CACNA2D3: variants seen among roughly 807,000 people sequenced by gnomAD.
CACNA2D3 encodes the protein voltage-dependent calcium channel subunit alpha-2/delta-3.
CACNA2D3 carries 60 observed loss-of-function variants against 160.6 expected under a neutral mutation model. The observed-to-expected ratio is 0.37, with a 90% CI of 0.30 to 0.46. The LOEUF (loss-of-function observed/expected upper bound fraction) is 0.46, where lower values mean the gene tolerates loss of function less well. CACNA2D3 is among the 20% of genes least tolerant of loss of function. CACNA2D3 has a pLI of 1.00. For missense variants in CACNA2D3, 1,205 were observed against 1,365.0 expected, an observed-to-expected ratio of 0.88 and a Z score of 1.85; for synonymous variants, 558 against 492.9, an observed-to-expected ratio of 1.13 and a Z score of -1.75.
At chr3:54,618,360 T>C (rs867489018) in intron 9 of CACNA2D3, among the ~76,000 whole-genome samples, 1 of 78,828 alleles carries the variant, frequency 1.3e-5, no homozygotes, top group East Asian at 4.4e-4. Context: ...TACATATATA[T>C]ATATATATAT....
At chr3:54,984,439 G>A (rs17054649) in intron 29 of CACNA2D3, among the ~76,000 whole-genome samples, 169 bp from the exon 30 acceptor site, 2,636 of 152,086 alleles carry the variant, frequency 0.017, 83 homozygotes, top group African/African-American at 0.059. Context: ...TATCTTAACC[G>A]TGGCCTTAAA....
At chr3:54,148,284 T>C (rs910053071) in intron 2 of CACNA2D3, among the ~76,000 whole-genome samples, 1 of 152,172 alleles carries the variant, frequency 6.6e-6, no homozygotes, top group African/African-American at 2.4e-5. Flanking sequence ...GAGGGACAGG[T>C]AGACACAGAA....
intron 27 of CACNA2D3, among the ~76,000 whole-genome samples, chr3:54,934,179 C>T (rs944637958): frequency 1.3e-5 from 2 of 152,148 alleles, no homozygotes; most frequent in African/African-American, 4.8e-5. Flanking sequence ...ATTGTGAGTA[C>T]CAACGTTTAG....
intron 2 of CACNA2D3, among the ~76,000 whole-genome samples, chr3:54,136,902 G>A (rs904186186): frequency 2.6e-5 from 4 of 152,212 alleles, no homozygotes; most frequent in East Asian, 1.9e-4. Context: ...CGTGGACCAC[G>A]CTTTGAGAGA....
intron 35 of CACNA2D3, among the ~76,000 whole-genome samples, chr3:55,066,875 G>T (rs1704652440): frequency 6.6e-6 from 1 of 152,094 alleles, no homozygotes; most frequent in African/African-American, 2.4e-5. Flanking sequence ...AACCCACCAG[G>T]CCACAGCCCC....
At chr3:54,266,583 A>T (rs573579707) in intron 2 of CACNA2D3, among the ~76,000 whole-genome samples, 35 of 152,274 alleles carry the variant, frequency 2.3e-4, no homozygotes, top group African/African-American at 7.9e-4. Context: ...GTTCACACCA[A>T]AGTCTGTCAT....
intron 6 of CACNA2D3, among the ~76,000 whole-genome samples, chr3:54,567,517 GTTGT>G (rs1256004679): frequency 1.8e-5 from 2 of 111,302 alleles, no homozygotes; most frequent in Non-Finnish European, 4.5e-5. Flanking sequence ...TTTTTTGTTT[GTTGT>G]TTGTTGTTGT....
rs917741167 is a variant in CACNA2D3, at chr3:54,587,969, G to T, written c.963+6092G>T. 1.3e-5 allele frequency among the ~76,000 whole-genome samples: 2 copies of T among 152,268 alleles called. 1 individual carries two copies. On this transcript the variant is annotated intron_variant, in intron 9 of 37. Coordinates refer to ENST00000474759, the MANE Select transcript of CACNA2D3 (RefSeq NM_018398.3). The stretch of plus-strand genomic sequence containing the variant: ...ATAGAAGAGTAAGGAAATCACCCCA[G>T]CTCATTTTATAAGGCTAGCGTTTCC...
chr3:54,161,238 C>T (rs1700338503), intron 2 of CACNA2D3, among the ~76,000 whole-genome samples: 1 of 152,188 alleles, frequency 6.6e-6, no homozygotes, highest in South Asian at 2.1e-4. Flanking sequence ...TGCACCCAAA[C>T]CCAACCCATC....
chr3:54,610,764 G>A (rs1257151512), intron 9 of CACNA2D3, among the ~76,000 whole-genome samples: 1 of 152,102 alleles, frequency 6.6e-6, no homozygotes, highest in African/African-American at 2.4e-5. Flanking sequence ...CAAGTAGCTG[G>A]TATTACAGAC....
intron 2 of CACNA2D3, among the ~76,000 whole-genome samples, chr3:54,288,331 G>A (rs1327719759): frequency 6.6e-6 from 1 of 152,106 alleles, no homozygotes; most frequent in East Asian, 1.9e-4. Flanking sequence ...AGAAGAAATG[G>A]ATAAATTCCT....
At chr3:54,307,229 A>G (rs1703622946) in intron 2 of CACNA2D3, among the ~76,000 whole-genome samples, 1 of 152,172 alleles carries the variant, frequency 6.6e-6, no homozygotes, top group African/African-American at 2.4e-5. Flanking sequence ...TGTCAGAAAA[A>G]TCATTTGATT....
At chr3:54,721,776 A>AAG (rs1701174520) in intron 11 of CACNA2D3, among the ~76,000 whole-genome samples, 1 of 151,558 alleles carries the variant, frequency 6.6e-6, no homozygotes, top group Admixed American at 6.6e-5. Flanking sequence ...AAAAAAAAAA[A>AAG]AAAGAAAAGA....
chr3:54,735,860 T>G (rs1701486486), intron 11 of CACNA2D3, among the ~76,000 whole-genome samples: 1 of 150,454 alleles, frequency 6.6e-6, no homozygotes, highest in South Asian at 2.1e-4. Context: ...TCTAGAAAAT[T>G]TGGAAAAAAA....
At chr3:54,488,028 C>T (rs925733628) in intron 4 of CACNA2D3, among the ~76,000 whole-genome samples, 24 of 152,158 alleles carry the variant, frequency 1.6e-4, no homozygotes, top group Non-Finnish European at 3.2e-4. Flanking sequence ...GACCTGAAGC[C>T]ACCCATACAA....
At chr3:54,829,885 CTTTTTTTTTTTTT>C (rs58291013) in intron 14 of CACNA2D3, among the ~76,000 whole-genome samples, 6 of 64,310 alleles carry the variant, frequency 9.3e-5, no homozygotes, top group African/African-American at 2.5e-4. Flanking sequence ...TCTTCTTCAT[CTTTTTTTTTTTTT>C]TTTTTTTTTT....
chr3:54,469,222 GAGGA>G (rs771388539), intron 4 of CACNA2D3, among the ~76,000 whole-genome samples: 9 of 152,340 alleles, frequency 5.9e-5, no homozygotes, highest in Non-Finnish European at 1.2e-4. Flanking sequence ...GAAGCTTGCA[GAGGA>G]AGGAACAGGC....
At chr3:54,897,881 G>A (rs958047564) in intron 26 of CACNA2D3, among the ~76,000 whole-genome samples, 2 of 152,160 alleles carry the variant, frequency 1.3e-5, no homozygotes, top group Non-Finnish European at 2.9e-5. Context: ...ACATATTTAA[G>A]GAGAGGCTGA....
chr3:54,377,592 A>G (rs544043067), intron 3 of CACNA2D3, among the ~76,000 whole-genome samples: 11 of 152,348 alleles, frequency 7.2e-5, no homozygotes, highest in Non-Finnish European at 1.5e-4. Flanking sequence ...ACACTGAGGT[A>G]CAGACTAAAG....
Sources: allele counts gnomAD v4.1 joint callset (sites outside exome capture counted in the v4.1 genomes callset), GRCh38; gene constraint gnomAD v4.1.1; transcripts MANE v1.5; gene names NCBI Gene and HGNC (gene_info 2026-07-23, HGNC 2026-07-21).